Variants in BRWD1 observed in about 807,000 individuals in gnomAD.
The protein encoded by BRWD1 is bromodomain and WD repeat domain containing 1.
A neutral mutation model predicts 251.2 loss-of-function variants in BRWD1; 82 were observed. The observed-to-expected ratio is 0.33, with a 90% CI of 0.27 to 0.39. BRWD1 has a LOEUF of 0.39. Among genes scored for constraint, BRWD1 ranks in the 10% least tolerant of loss-of-function variants. BRWD1 has a pLI of 1.00. For missense variants in BRWD1, 2,233 were observed against 2,711.6 expected, an observed-to-expected ratio of 0.82 and a Z score of 3.92; for synonymous variants, 918 against 902.8, an observed-to-expected ratio of 1.02 and a Z score of -0.30.
At chr21:39,217,690 A>C (rs1274196691) in intron 31 of BRWD1, among the ~76,000 whole-genome samples, 1 of 152,202 alleles carries the variant, frequency 6.6e-6, no homozygotes, top group Non-Finnish European at 1.5e-5. Context: ...GAATAATTAA[A>C]ATAGAAGGTC....
chr21:39,216,660 T>C (rs1278403931), intron 31 of BRWD1: 3 of 385,940 alleles, frequency 7.8e-6, no homozygotes, highest in African/African-American at 4.3e-5. Flanking sequence ...CTCAGAACAG[T>C]TTAAGGAATT....
intron 21 of BRWD1, among the ~76,000 whole-genome samples, chr21:39,240,061 A>AATATTCTGTG (rs2033937113): frequency 6.6e-6 from 1 of 150,592 alleles, no homozygotes; most frequent in Admixed American, 6.6e-5. Context: ...GCTAAAAAAA[A>AATATTCTGTG]CAAACAAACA....
Position 39,280,027 on chromosome 21 carries a change from G to A in BRWD1, c.932+121C>T, listed in dbSNP as rs367715811. ...ATATGCTGTATATAATAAAAATTAA[G>A]TTCAAAGGTTAAAAAAAAGCAACAA... On this transcript the variant is annotated intron_variant, in intron 9 of 40. Transcript: ENST00000342449. The A allele has an allele frequency of 4.8e-5, 32 of 662,150 alleles. No homozygotes were observed. In the African/African-American group the frequency reaches 5.3e-4, roughly 11 times the overall value. 41.0% of individuals were successfully genotyped at this position (662,150 alleles called of 1,614,324 possible). A position where few individuals can be genotyped will look rare whatever the true frequency, so the allele number is the denominator to read the frequency against.
chr21:39,315,615 C>G (rs2036686760), upstream of BRWD1: 1 of 149,760 alleles, frequency 6.7e-6, no homozygotes, highest in Non-Finnish European at 1.5e-5. Context: ...GCCTGGGCGA[C>G]AAGGCGAGAC....
chr21:39,199,995 C>T (rs967769537), intron 39 of BRWD1, among the ~76,000 whole-genome samples: 20 of 152,206 alleles, frequency 1.3e-4, no homozygotes, highest in East Asian at 3.8e-4. Context: ...TCAGGTGATC[C>T]GCCCACCTCA....
rs2056844 is a variant in BRWD1, at chr21:39,298,534, G to T, written c.247C>A (p.Gln83Lys). ...VAPDHLLQIC[Q>K]RIGPMLDKEI... Reference sequence around the variant, plus strand: ...TTATCCAACATAGGACCGATGCGCTGGCAGATTTGCAAAAGATGATCAGGA... The same window carrying T: ...TTATCCAACATAGGACCGATGCGCTTGCAGATTTGCAAAAGATGATCAGGA... The change falls in exon 5 of 41, where the codon CAG (glutamine) becomes AAG (lysine). Residue 83 changes from glutamine to lysine, a missense_variant. Physicochemically the swap from Gln to Lys is moderately conservative, Grantham distance 53 (BLOSUM62 1). This residue lies in a region of BRWD1 where 185 missense variants were observed against 260.6 expected (regional missense o/e 0.71). Transcript: ENST00000342449. The T allele has an allele frequency of 1.9e-5, 30 of 1,606,054 alleles. No individual in the cohort carries two copies. The highest frequency in any genetic ancestry group is 5.2e-5 in the Admixed American group (3 of 58,050).
At chr21:39,218,471 A>C (rs1304788169) in intron 30 of BRWD1, 34 bp downstream of exon 30, 2 of 1,543,748 alleles carry the variant, frequency 1.3e-6, no homozygotes, top group African/African-American at 1.4e-5. Context: ...AAATTGAAAA[A>C]AAAACTTTTC....
intron 36 of BRWD1, among the ~76,000 whole-genome samples, chr21:39,207,497 A>G (rs1482422000): frequency 8.7e-6 from 1 of 114,828 alleles, no homozygotes; most frequent in Non-Finnish European, 1.9e-5. Flanking sequence ...CAAAACTCCA[A>G]AAACAACAAG....
intron 4 of BRWD1, among the ~76,000 whole-genome samples, chr21:39,301,040 G>T (rs145674059): frequency 1.3e-5 from 2 of 152,072 alleles, no homozygotes; most frequent in Non-Finnish European, 2.9e-5. Context: ...TTAGCCAGGC[G>T]TGGTGGCAGG....
At chr21:39,228,146 G>A (rs1004611686) in intron 27 of BRWD1, among the ~76,000 whole-genome samples, 4 of 151,938 alleles carry the variant, frequency 2.6e-5, no homozygotes, top group Admixed American at 2.0e-4. Context: ...AAATTAGCCG[G>A]GCGTAGTGGC....
chr21:39,244,921 A>AATATATATATACATATATATAT (rs1555859653), intron 21 of BRWD1, among the ~76,000 whole-genome samples: 9 of 112,558 alleles, frequency 8.0e-5, no homozygotes, highest in African/African-American at 2.4e-4. Context: ...CTTTGGAAGA[A>AATATATATATACATATATATAT]ATATATATAT....
chr21:39,194,364 G>T lies in BRWD1; in HGVS notation c.*1895C>A. 2.8e-6 allele frequency: 3 copies of T among 1,080,124 alleles called. No homozygotes were observed. The highest frequency in any genetic ancestry group is 3.4e-6 in the Non-Finnish European group (3 of 890,382). The allele number at this position is 1,080,124 out of a possible 1,614,324, so 66.9% of individuals were successfully genotyped here. On this transcript the variant is annotated 3_prime_UTR_variant, in exon 41 of 41. Transcript: ENST00000342449. ...TAAGAAGAGTTTAAATAAATTAATG[G>T]ATTTGACATCTATCACCAGTTTTTA...
Position 39,197,318 on chromosome 21 carries a change from T to C in BRWD1, c.5751A>G (p.Ser1917=). The C allele has an allele frequency of 1.9e-6, 3 of 1,614,096 alleles. No individual in the cohort carries two copies. The highest frequency in any genetic ancestry group is 2.5e-6 in the Non-Finnish European group (3 of 1,179,952). ...SDSSLQVVKK[S]SKARTGLLRI... is the part of the protein sequence containing the mutation. ...TCAGGAGACCTGTTCTGGCTTTTGA[T>C]GATTTCTTAACCACCTGTAAACTAC... Residue 1917 remains serine (S), a synonymous_variant, in exon 41 of 41, where the codon TCA becomes TCG. Transcript: ENST00000342449.
Position 39,196,047 on chromosome 21 carries a change from G to A in BRWD1, c.*212C>T. 2.3e-6 allele frequency: 3 copies of A among 1,277,854 alleles called. No individual in the cohort carries two copies. The highest frequency in any genetic ancestry group is 5.0e-5 in the South Asian group (2 of 40,370). The allele number at this position is 1,277,854 out of a possible 1,614,324, so 79.2% of individuals were successfully genotyped here. A position where few individuals can be genotyped will look rare whatever the true frequency, so the allele number is the denominator to read the frequency against. Reference sequence around the variant, plus strand: ...GTCAAAATAGATCTGCCCCCAAAATGAAGCATATTTTGGCACCTGTGCTGA... The same window carrying A: ...GTCAAAATAGATCTGCCCCCAAAATAAAGCATATTTTGGCACCTGTGCTGA... On this transcript the variant is annotated 3_prime_UTR_variant, in exon 41 of 41. Coordinates refer to ENST00000342449, the MANE Select transcript of BRWD1 (RefSeq NM_033656.4).
Position 39,194,328 on chromosome 21 carries a change from A to C in BRWD1, c.*1931T>G. ...AGTTAAAACCTGAGAACAGATTATA[A>C]AAGAGAAGGTTAAGAAGAGTTTAAA... On this transcript the variant is annotated 3_prime_UTR_variant, in exon 41 of 41. Coordinates refer to ENST00000342449, the MANE Select transcript of BRWD1 (RefSeq NM_033656.4). The C allele has an allele frequency of 9.8e-7, 1 of 1,018,002 alleles. No individual in the cohort carries two copies. The highest frequency in any genetic ancestry group is 1.2e-6 in the Non-Finnish European group (1 of 850,224). The allele number at this position is 1,018,002 out of a possible 1,614,324, so 63.1% of individuals were successfully genotyped here. A position where few individuals can be genotyped will look rare whatever the true frequency, so the allele number is the denominator to read the frequency against.
rs960380942 is a variant in BRWD1, at chr21:39,192,222, G to C, written c.*4037C>G. On this transcript the variant is annotated 3_prime_UTR_variant, in exon 41 of 41. Coordinates refer to ENST00000342449, the MANE Select transcript of BRWD1 (RefSeq NM_033656.4). ...TTAACAGCCTTTAAAACTTAAAATC[G>C]TAAGAAAAGACAACACAGCCCTTAG... 2 of 982,820 alleles carry C rather than the reference G, an allele frequency of 2.0e-6. No individual in the cohort carries two copies. The highest frequency in any genetic ancestry group is 2.4e-6 in the Non-Finnish European group (2 of 829,366). 60.9% of individuals were successfully genotyped at this position (982,820 alleles called of 1,614,324 possible). A position where few individuals can be genotyped will look rare whatever the true frequency, so the allele number is the denominator to read the frequency against.
chr21:39,228,702 A>G (rs1055308278), intron 26 of BRWD1, 120 bp from the exon 27 acceptor site: 1 of 584,658 alleles, frequency 1.7e-6, no homozygotes. Flanking sequence ...TCAACCAGCT[A>G]TATTTTAAAA....
chr21:39,221,834 G>A (rs2033188746), intron 29 of BRWD1, among the ~76,000 whole-genome samples: 1 of 151,992 alleles, frequency 6.6e-6, no homozygotes, highest in Non-Finnish European at 1.5e-5. Context: ...ACCCTGGCAG[G>A]TGGAGGTTGC....
intron 12 of BRWD1, among the ~76,000 whole-genome samples, chr21:39,275,440 A>G (rs2035250001): frequency 1.3e-5 from 2 of 152,214 alleles, no homozygotes; most frequent in African/African-American, 4.8e-5. Context: ...GCTGGCAGAA[A>G]CTACAATTCT....
Sources: gnomAD v4.1 joint callset for allele counts (sites outside exome capture counted in the v4.1 genomes callset) on GRCh38, gnomAD v4.1.1 for gene constraint, gnomAD v4.1.1 regional missense constraint, MANE v1.5 for transcripts, NCBI Gene and HGNC (gene_info 2026-07-23, HGNC 2026-07-21) for gene names.